ATP8A2: variants seen among roughly 807,000 people sequenced by gnomAD.
ATP8A2 encodes phospholipid-transporting ATPase IB.
Under a neutral mutation model 165.6 loss-of-function variants are expected in ATP8A2, and 100 were observed. The ratio of observed to expected loss-of-function variants is 0.60; its 90% CI spans 0.51 to 0.71. The LOEUF is 0.71. Among genes scored for constraint, ATP8A2 ranks in the 30% least tolerant of loss-of-function variants. The pLI, the probability that ATP8A2 is intolerant of heterozygous loss-of-function variation, is 0.00. For synonymous variants in ATP8A2, 543 were observed against 548.8 expected (o/e 0.99, Z 0.15); for missense variants, 1,227 against 1,479.5 (o/e 0.83, Z 2.80).
intron 24 of ATP8A2, among the ~76,000 whole-genome samples, chr13:25,611,677 G>A (rs4268608): frequency 0.83 from 126,025 of 152,036 alleles, 53,215 homozygotes; most frequent in African/African-American, 0.91. Flanking sequence ...TTTAGGGAGG[G>A]TTCTCTATCT....
At chr13:25,565,069 C>T (rs2039270797) in intron 16 of ATP8A2, among the ~76,000 whole-genome samples, 1 of 152,058 alleles carries the variant, frequency 6.6e-6, no homozygotes, top group Non-Finnish European at 1.5e-5. Flanking sequence ...CGTGGTATTC[C>T]ATCATCTCTC....
intron 24 of ATP8A2, among the ~76,000 whole-genome samples, chr13:25,627,772 T>C (rs1028113933): frequency 6.6e-6 from 1 of 152,218 alleles, no homozygotes; most frequent in Non-Finnish European, 1.5e-5. Flanking sequence ...GATGGAGCTA[T>C]CTGGAGGAAA....
intron 24 of ATP8A2, among the ~76,000 whole-genome samples, chr13:25,602,493 T>C (rs2040413044): frequency 6.6e-6 from 1 of 152,124 alleles, no homozygotes; most frequent in Non-Finnish European, 1.5e-5. Flanking sequence ...GATTTAAGAC[T>C]CCCCTTTTTA....
intron 27 of ATP8A2, among the ~76,000 whole-genome samples, chr13:25,793,551 T>C (rs2045237677): frequency 6.6e-6 from 1 of 152,218 alleles, no homozygotes; most frequent in Non-Finnish European, 1.5e-5. Flanking sequence ...TATACACACA[T>C]GTATGTAGAA....
chr13:25,755,264 A>T (rs2044236782), intron 25 of ATP8A2, among the ~76,000 whole-genome samples: 1 of 152,154 alleles, frequency 6.6e-6, no homozygotes, highest in East Asian at 1.9e-4. Context: ...GGCCCTCTCC[A>T]CTGTAGCTCC....
intron 24 of ATP8A2, among the ~76,000 whole-genome samples, chr13:25,624,857 A>G (rs1360974570): frequency 6.6e-6 from 1 of 152,186 alleles, no homozygotes; most frequent in Non-Finnish European, 1.5e-5. Context: ...GTTTAACAAG[A>G]TTATCATTTT....
intron 24 of ATP8A2, among the ~76,000 whole-genome samples, chr13:25,635,594 T>A (rs1050625309): frequency 3.3e-5 from 5 of 152,214 alleles, no homozygotes; most frequent in Non-Finnish European, 5.9e-5. Flanking sequence ...TAATACTCCA[T>A]GGAATGATTT....
intron 25 of ATP8A2, among the ~76,000 whole-genome samples, chr13:25,737,583 T>G (rs79613168): frequency 0.071 from 10,745 of 152,298 alleles, 541 homozygotes; most frequent in Non-Finnish European, 0.11. Context: ...CACTGGAGCC[T>G]TGACCTCCAG....
chr13:25,979,462 C>T (rs1005657752), intron 35 of ATP8A2, among the ~76,000 whole-genome samples: 4 of 152,180 alleles, frequency 2.6e-5, no homozygotes, highest in Admixed American at 2.0e-4. Flanking sequence ...TTAAGTCTTC[C>T]TTTTCTAATA....
intron 33 of ATP8A2, among the ~76,000 whole-genome samples, chr13:25,952,649 C>T (rs576168768): frequency 4.1e-4 from 62 of 152,208 alleles, no homozygotes; most frequent in African/African-American, 8.7e-4. Flanking sequence ...TGGAATGACA[C>T]GCGTGAGCCA....
At chr13:25,784,618 G>GT (rs1240199471) in intron 27 of ATP8A2, among the ~76,000 whole-genome samples, 1 of 152,014 alleles carries the variant, frequency 6.6e-6, no homozygotes, top group Non-Finnish European at 1.5e-5. Flanking sequence ...GGTTTTGTTT[G>GT]TTTTTTTAGA....
At chr13:26,011,059 G>C (rs58244543) in intron 35 of ATP8A2, among the ~76,000 whole-genome samples, 9 of 152,200 alleles carry the variant, frequency 5.9e-5, no homozygotes, top group African/African-American at 1.9e-4. Flanking sequence ...CTGATCGATC[G>C]GGGGCAGGGT....
chr13:25,561,696 A>G (rs2039160420), intron 15 of ATP8A2, among the ~76,000 whole-genome samples: 1 of 152,212 alleles, frequency 6.6e-6, no homozygotes, highest in African/African-American at 2.4e-5. Context: ...AAATAGATTC[A>G]TAATGTTTTG....
At chr13:25,407,210 C>G (rs2033828879) in intron 1 of ATP8A2, among the ~76,000 whole-genome samples, 2 of 152,288 alleles carry the variant, frequency 1.3e-5, no homozygotes, top group Non-Finnish European at 2.9e-5. Flanking sequence ...CCAAGGCCTG[C>G]AAGCCAAGGA....
chr13:25,726,219 C>T (rs1297444533), intron 25 of ATP8A2, among the ~76,000 whole-genome samples: 1 of 152,084 alleles, frequency 6.6e-6, no homozygotes, highest in African/African-American at 2.4e-5. Flanking sequence ...CTAGGGTACC[C>T]TTGCTGAGAA....
intron 25 of ATP8A2, among the ~76,000 whole-genome samples, chr13:25,767,174 A>G (rs1221285581): frequency 6.6e-6 from 1 of 152,234 alleles, no homozygotes; most frequent in Non-Finnish European, 1.5e-5. Flanking sequence ...GCCTCTGCCA[A>G]AAAGATCAGC....
chr13:25,805,863 G>GT (rs560898991), intron 27 of ATP8A2, among the ~76,000 whole-genome samples: 13 of 151,330 alleles, frequency 8.6e-5, no homozygotes, highest in African/African-American at 1.7e-4. Context: ...TGCCAATATA[G>GT]TTTTTTTTTC....
chr13:25,984,251 A>C (rs1045957357), intron 35 of ATP8A2, among the ~76,000 whole-genome samples: 2 of 151,698 alleles, frequency 1.3e-5, no homozygotes, highest in African/African-American at 4.8e-5. Context: ...AAAAAAAGTT[A>C]TCCAGGAGTA....
intron 35 of ATP8A2, among the ~76,000 whole-genome samples, chr13:26,006,132 T>C (rs1163822156): frequency 6.6e-6 from 1 of 152,080 alleles, no homozygotes; most frequent in East Asian, 1.9e-4. Flanking sequence ...AACAGTATCA[T>C]CTTTCAATCT....
Sources: allele counts gnomAD v4.1 joint callset (sites outside exome capture counted in the v4.1 genomes callset), GRCh38; gene constraint gnomAD v4.1.1; transcripts MANE v1.5; gene names NCBI Gene and HGNC (gene_info 2026-07-23, HGNC 2026-07-21).